KATNAL2: variants seen among roughly 807,000 people sequenced by gnomAD.
KATNAL2 encodes katanin catalytic subunit A1 like 2.
In KATNAL2, 52 loss-of-function variants were observed where a neutral mutation model predicts 76.3. The observed-to-expected ratio is 0.68, with a 90% CI of 0.55 to 0.86. The LOEUF is 0.86. Among genes scored for constraint, KATNAL2 ranks in the 40% least tolerant of loss-of-function variants. KATNAL2 has a pLI of 0.00. For synonymous variants in KATNAL2, 243 were observed against 244.2 expected, an observed-to-expected ratio of 1.00 and a Z score of 0.05; for missense variants, 660 against 668.9, an observed-to-expected ratio of 0.99 and a Z score of 0.15.
chr18:46,930,520 A>C (rs2058873736), intron 1 of KATNAL2, among the ~76,000 whole-genome samples: 1 of 152,144 alleles, frequency 6.6e-6, no homozygotes, highest in South Asian at 2.1e-4. Context: ...ATGAAGTTAG[A>C]AAAAAGAAAA....
At position 46,917,626 on chromosome 18, in the gene KATNAL2, C is replaced by T; in HGVS notation, c.-810C>T. ...CAGTCCGCGCGGCGACAGCGCCCGC[C>T]CGCGCCTGCCCCGGCGTGCTGCCCC... On this transcript the variant is annotated 5_prime_UTR_variant, in exon 1 of 18. Coordinates refer to ENST00000683218, the MANE Select transcript of KATNAL2 (RefSeq NM_001387690.1). 1 of 915,980 alleles carries T rather than the reference C, an allele frequency of 1.1e-6. No homozygotes were observed. The highest frequency in any genetic ancestry group is 5.1e-5 in the South Asian group (1 of 19,746). 56.7% of individuals were successfully genotyped at this position (915,980 alleles called of 1,614,324 possible). A position where few individuals can be genotyped will look rare whatever the true frequency, so the allele number is the denominator to read the frequency against.
chr18:47,037,814 TA>T (rs1249093649), intron 3 of KATNAL2, among the ~76,000 whole-genome samples: 2 of 152,038 alleles, frequency 1.3e-5, no homozygotes, highest in Non-Finnish European at 2.9e-5. Flanking sequence ...TCACCACAAG[TA>T]AAAGCTGCTT....
intron 15 of KATNAL2, among the ~76,000 whole-genome samples, chr18:47,079,102 C>T (rs1167291976): frequency 6.6e-6 from 1 of 152,170 alleles, no homozygotes; most frequent in Non-Finnish European, 1.5e-5. Flanking sequence ...TTTATTTCAT[C>T]TATTCCAGCA....
chr18:46,961,628 C>A (rs184816110), intron 3 of KATNAL2, among the ~76,000 whole-genome samples: 376 of 152,292 alleles, frequency 2.5e-3, no homozygotes, highest in African/African-American at 8.8e-3. Flanking sequence ...CTCTGCCAAA[C>A]CTATACAGGC....
intron 15 of KATNAL2, among the ~76,000 whole-genome samples, chr18:47,092,819 T>A (rs1385614795): frequency 6.6e-6 from 1 of 152,242 alleles, no homozygotes; most frequent in Admixed American, 6.5e-5. Flanking sequence ...TGGTGTGGTT[T>A]ACTCTCCTCC....
chr18:46,925,904 T>G (rs2058713113), intron 1 of KATNAL2, among the ~76,000 whole-genome samples: 3 of 152,214 alleles, frequency 2.0e-5, no homozygotes, highest in African/African-American at 7.2e-5. Context: ...GATGGTAGTT[T>G]GTATTTCTGT....
rs146891269 is a variant in KATNAL2 at position 46,943,329 on chromosome 18, T to C, written c.-509-2728T>C. Among the ~76,000 whole-genome samples the C allele has an allele frequency of 3.1e-3, 474 of 152,310 alleles. 12 individuals are homozygous for C. In the East Asian group the frequency reaches 0.054, roughly 17 times the overall value. ...TGGGTAAAATGAGGCTGAGACCTAC[T>C]GGGCTGCATTCTCAGAAGGTTAAGG... On this transcript the variant is annotated intron_variant, in intron 1 of 17. Transcript: ENST00000683218.
intron 3 of KATNAL2, among the ~76,000 whole-genome samples, chr18:46,948,232 TC>T (rs1178140077): frequency 6.6e-6 from 1 of 151,972 alleles, no homozygotes; most frequent in East Asian, 1.9e-4. Context: ...TGCCTCAGCC[TC>T]CCGAGTAGCT....
intron 3 of KATNAL2, chr18:47,033,717 C>T (rs758167061): frequency 3.7e-6 from 6 of 1,614,192 alleles, no homozygotes; most frequent in South Asian, 1.1e-5. Flanking sequence ...GCCTGGAGCC[C>T]GAGTACACCG....
At chr18:46,955,378 G>T (rs931433142) in intron 3 of KATNAL2, among the ~76,000 whole-genome samples, 4 of 151,158 alleles carry the variant, frequency 2.6e-5, no homozygotes, top group East Asian at 1.9e-4. Flanking sequence ...CACCACGCCT[G>T]GCTAATTTTG....
chr18:47,094,643 T>C (rs1167374726), intron 15 of KATNAL2, among the ~76,000 whole-genome samples: 1 of 152,360 alleles, frequency 6.6e-6, no homozygotes, highest in African/African-American at 2.4e-5. Context: ...GGTTACTGTG[T>C]TGGGGAACTC....
chr18:47,031,865 T>C (rs2060475415), intron 3 of KATNAL2, among the ~76,000 whole-genome samples: 1 of 152,188 alleles, frequency 6.6e-6, no homozygotes, highest in African/African-American at 2.4e-5. Context: ...GCAGTATCCC[T>C]TTGTCTCCAT....
intron 4 of KATNAL2, among the ~76,000 whole-genome samples, chr18:47,051,834 G>C (rs1039778592): frequency 3.3e-5 from 5 of 152,118 alleles, no homozygotes; most frequent in Non-Finnish European, 5.9e-5. Context: ...AGGCCAAGAA[G>C]GGAATCAATT....
At chr18:47,089,498 C>T (rs905003213) in intron 15 of KATNAL2, among the ~76,000 whole-genome samples, 1 of 152,150 alleles carries the variant, frequency 6.6e-6, no homozygotes, top group Non-Finnish European at 1.5e-5. Flanking sequence ...ACCCAAACAT[C>T]AGTAGGACAT....
chr18:47,033,602 G>T (rs759539444), intron 3 of KATNAL2: 1 of 1,614,174 alleles, frequency 6.2e-7, no homozygotes, highest in Non-Finnish European at 8.5e-7. Flanking sequence ...ACAGGTTCAA[G>T]AACCCAGTAG....
At chr18:47,058,595 G>C (rs1272521176) in intron 7 of KATNAL2, among the ~76,000 whole-genome samples, 2 of 152,168 alleles carry the variant, frequency 1.3e-5, no homozygotes, top group African/African-American at 2.4e-5. Flanking sequence ...CCCCTGGTCT[G>C]GGTGCTGGGT....
chr18:47,094,913 CT>C (rs557586918), intron 15 of KATNAL2, among the ~76,000 whole-genome samples: 44 of 151,982 alleles, frequency 2.9e-4, no homozygotes, highest in Admixed American at 7.9e-4. Flanking sequence ...TGTGATCTAA[CT>C]TTTTTTTATG....
In KATNAL2 at chr18:46,965,968, T is replaced by TTC. The variant is rs372849505; in HGVS notation, c.51+19060_51+19061dup. 3.1e-3 allele frequency among the ~76,000 whole-genome samples: 467 copies of TTC among 148,672 alleles called. 2 individuals are homozygous for TTC. The highest frequency in any genetic ancestry group is 0.011 in the African/African-American group (442 of 40,454). On this transcript the variant is annotated intron_variant, in intron 3 of 17. Transcript: ENST00000683218. ...GTAATGTTTACATTCTCACATGACT[T>TTC]TCTCTCTCTCTCTCTCAGTGTGTGT...
At chr18:46,923,853 T>G (rs1456555432) in intron 1 of KATNAL2, among the ~76,000 whole-genome samples, 1 of 152,228 alleles carries the variant, frequency 6.6e-6, no homozygotes, top group Non-Finnish European at 1.5e-5. Flanking sequence ...TCATGTGTCT[T>G]TTGGCTGCAT....
Sources: gnomAD v4.1 joint callset for allele counts (sites outside exome capture counted in the v4.1 genomes callset) on GRCh38, gnomAD v4.1.1 for gene constraint, MANE v1.5 for transcripts, NCBI Gene and HGNC (gene_info 2026-07-23, HGNC 2026-07-21) for gene names.